The following STX8 variants were observed in gnomAD, a reference collection of about 807,000 sequenced individuals.
STX8 encodes the protein syntaxin 8.
STX8 carries 23 observed loss-of-function variants against 37.5 expected under a neutral mutation model. The ratio of observed to expected loss-of-function variants is 0.61; its 90% CI spans 0.44 to 0.87. The LOEUF (loss-of-function observed/expected upper bound fraction) is 0.87. Ranked by LOEUF, STX8 falls within the 40% of genes least tolerant of loss-of-function variation. STX8 has a pLI of 0.00. For missense variants in STX8, 313 were observed against 284.7 expected (o/e 1.10, Z -0.71); for synonymous variants, 115 against 99.1 (o/e 1.16, Z -0.95).
chr17:9,341,618 G>C (rs1910362089), intron 7 of STX8, among the ~76,000 whole-genome samples: 1 of 152,102 alleles, frequency 6.6e-6, no homozygotes, highest in Non-Finnish European at 1.5e-5. Flanking sequence ...TGTATTTTTA[G>C]TAGAGACGGG....
chr17:9,548,913 T>C (rs1906654991), intron 3 of STX8, among the ~76,000 whole-genome samples: 2 of 152,274 alleles, frequency 1.3e-5, no homozygotes, highest in African/African-American at 2.4e-5. Flanking sequence ...CAACTGAGGA[T>C]TAAGGGTATA....
At chr17:9,253,206 G>GT (rs1214654004) in intron 7 of STX8, among the ~76,000 whole-genome samples, 184 of 140,780 alleles carry the variant, frequency 1.3e-3, no homozygotes, top group South Asian at 5.1e-3. Context: ...GCAGGGGTAG[G>GT]GGTGTGTGTG....
At chr17:9,489,690 C>CTTTTTTTTTT (rs1378987157) in intron 6 of STX8, among the ~76,000 whole-genome samples, 1 of 38,606 alleles carries the variant, frequency 2.6e-5, no homozygotes. Flanking sequence ...AGCTTACTTT[C>CTTTTTTTTTT]CTTTTTTTTT....
chr17:9,366,566 C>T (rs749928304), intron 7 of STX8, among the ~76,000 whole-genome samples: 22 of 152,134 alleles, frequency 1.4e-4, no homozygotes, highest in Non-Finnish European at 2.5e-4. Flanking sequence ...CGAATGAGCT[C>T]GGGCCCACGC....
intron 5 of STX8, among the ~76,000 whole-genome samples, chr17:9,492,743 G>A (rs1008169043): frequency 3.9e-5 from 6 of 152,110 alleles, no homozygotes; most frequent in Non-Finnish European, 8.8e-5. Context: ...GAAGCCAGGA[G>A]TTCAAAACCA....
At chr17:9,511,821 T>C (rs1373185416) in intron 4 of STX8, among the ~76,000 whole-genome samples, 1 of 152,108 alleles carries the variant, frequency 6.6e-6, no homozygotes, top group African/African-American at 2.4e-5. Flanking sequence ...GAAAACATGA[T>C]CTTATAGAGA....
chr17:9,569,474 C>T (rs1020533108), intron 1 of STX8: 66 of 154,172 alleles, frequency 4.3e-4, no homozygotes, highest in African/African-American at 1.2e-3. Context: ...CCAAATGCTC[C>T]GGGGACAAAG....
At chr17:9,441,335 CA>C (rs1042856140) in intron 6 of STX8, among the ~76,000 whole-genome samples, 3 of 151,640 alleles carry the variant, frequency 2.0e-5, no homozygotes, top group African/African-American at 7.3e-5. Context: ...ACTAAAAATA[CA>C]AAAATTAGCC....
chr17:9,396,902 A>G (rs2142312209), intron 6 of STX8, among the ~76,000 whole-genome samples: 1 of 152,336 alleles, frequency 6.6e-6, no homozygotes, highest in South Asian at 2.1e-4. Context: ...AAACTGCATT[A>G]CAAATGTATG....
At chr17:9,355,792 G>A (rs967848641) in intron 7 of STX8, among the ~76,000 whole-genome samples, 3 of 152,168 alleles carry the variant, frequency 2.0e-5, no homozygotes, top group African/African-American at 7.2e-5. Context: ...ACAGGCGTGA[G>A]CCACTGCACC....
At chr17:9,485,895 G>A (rs1288486922) in intron 6 of STX8, among the ~76,000 whole-genome samples, 1 of 152,148 alleles carries the variant, frequency 6.6e-6, no homozygotes, top group African/African-American at 2.4e-5. Flanking sequence ...CAATCCGGGA[G>A]TTCTAAATCT....
At chr17:9,391,283 G>GTT (rs145588240) in intron 6 of STX8, among the ~76,000 whole-genome samples, 6 of 151,480 alleles carry the variant, frequency 4.0e-5, no homozygotes, top group African/African-American at 1.2e-4. Flanking sequence ...GTGAAACCCT[G>GTT]TCTACTAAAA....
At chr17:9,331,421 T>C (rs946291673) in intron 7 of STX8, among the ~76,000 whole-genome samples, 31 of 151,866 alleles carry the variant, frequency 2.0e-4, no homozygotes, top group African/African-American at 7.2e-4. Context: ...AAACCAATTA[T>C]TCTGCAGCAG....
intron 6 of STX8, among the ~76,000 whole-genome samples, chr17:9,416,616 C>T (rs36125258): frequency 0.11 from 16,150 of 152,172 alleles, 1,150 homozygotes; most frequent in Non-Finnish European, 0.15. Context: ...ATCTGCCCAC[C>T]TTGGCCTCCC....
chr17:9,464,304 A>G (rs983182029), intron 6 of STX8, among the ~76,000 whole-genome samples: 1 of 152,192 alleles, frequency 6.6e-6, no homozygotes, highest in African/African-American at 2.4e-5. Flanking sequence ...TGCAATTGTG[A>G]TCTTTCAATT....
At chr17:9,464,421 C>G (rs767374601) in intron 6 of STX8, among the ~76,000 whole-genome samples, 2 of 152,162 alleles carry the variant, frequency 1.3e-5, no homozygotes, top group Non-Finnish European at 2.9e-5. Context: ...AAAATTAGCT[C>G]CATGCATTAC....
At chr17:9,388,118 C>T (rs1454055407) in intron 6 of STX8, among the ~76,000 whole-genome samples, 1 of 147,166 alleles carries the variant, frequency 6.8e-6, no homozygotes, top group Non-Finnish European at 1.5e-5. Flanking sequence ...GTTGCCCAGG[C>T]TGGAGTGCAG....
At chr17:9,538,037 T>C (rs1906129984) in intron 4 of STX8, among the ~76,000 whole-genome samples, 1 of 152,222 alleles carries the variant, frequency 6.6e-6, no homozygotes, top group African/African-American at 2.4e-5. Context: ...AAGATCTACT[T>C]AATGAAGGAA....
chr17:9,418,858 G>C (rs989265023), intron 6 of STX8, among the ~76,000 whole-genome samples: 1 of 144,676 alleles, frequency 6.9e-6, no homozygotes, highest in African/African-American at 2.5e-5. Context: ...GGAAGGGGGA[G>C]GGAGAGGAAC....
Sources: allele counts gnomAD v4.1 joint callset (sites outside exome capture counted in the v4.1 genomes callset), GRCh38; gene constraint gnomAD v4.1.1; transcripts MANE v1.5; gene names NCBI Gene and HGNC (gene_info 2026-07-23, HGNC 2026-07-21).